Variants in DLG2 observed in about 807,000 individuals in gnomAD.
DLG2 encodes disks large homolog 2.
In DLG2, 45 loss-of-function variants were observed where a neutral mutation model predicts 132.5. That is an observed-to-expected ratio of 0.34 (90% CI 0.27 to 0.44). The LOEUF (loss-of-function observed/expected upper bound fraction) is 0.44, where lower values mean the gene tolerates loss of function less well. Among genes scored for constraint, DLG2 ranks in the 20% least tolerant of loss-of-function variants. The pLI is 1.00. For synonymous variants in DLG2, 424 were observed against 419.6 expected (o/e 1.01, Z -0.13); for missense variants, 1,045 against 1,196.9 (o/e 0.87, Z 1.87).
chr11:85,042,954 G>C (rs2062002260), intron 6 of DLG2, among the ~76,000 whole-genome samples: 1 of 151,614 alleles, frequency 6.6e-6, no homozygotes, highest in African/African-American at 2.4e-5. Flanking sequence ...ATTTTTTCTG[G>C]TTTTCATATT....
intron 22 of DLG2, among the ~76,000 whole-genome samples, chr11:83,473,274 C>G (rs1006027382): frequency 1.3e-4 from 20 of 152,070 alleles, no homozygotes; most frequent in Admixed American, 4.6e-4. Context: ...GGGTTTTACT[C>G]TAATATTAAT....
At chr11:85,184,439 T>C (rs545417084) in intron 4 of DLG2, among the ~76,000 whole-genome samples, 1 of 151,690 alleles carries the variant, frequency 6.6e-6, no homozygotes, top group Non-Finnish European at 1.5e-5. Flanking sequence ...TCCCATTTTG[T>C]AGAGAAACAA....
intron 6 of DLG2, among the ~76,000 whole-genome samples, chr11:84,576,112 T>A (rs930274236): frequency 6.6e-6 from 1 of 152,212 alleles, no homozygotes; most frequent in African/African-American, 2.4e-5. Flanking sequence ...TTTAAACTTA[T>A]TAGCACTTTT....
intron 15 of DLG2, among the ~76,000 whole-genome samples, chr11:83,895,658 G>A (rs942644671): frequency 6.6e-6 from 1 of 152,130 alleles, no homozygotes; most frequent in Non-Finnish European, 1.5e-5. Flanking sequence ...CACAGTCCCT[G>A]CTATTGTTCT....
chr11:85,026,846 A>T (rs1052436791), intron 6 of DLG2, among the ~76,000 whole-genome samples: 3 of 152,080 alleles, frequency 2.0e-5, no homozygotes, highest in African/African-American at 2.4e-5. Flanking sequence ...CAAAAAAATA[A>T]AAATAAATAA....
chr11:84,719,978 C>A (rs2061615306), intron 6 of DLG2, among the ~76,000 whole-genome samples: 1 of 152,100 alleles, frequency 6.6e-6, no homozygotes, highest in African/African-American at 2.4e-5. Context: ...GTCTGGAGCC[C>A]AGTCACTAGC....
At chr11:84,733,983 T>C (rs2063494840) in intron 6 of DLG2, among the ~76,000 whole-genome samples, 1 of 152,160 alleles carries the variant, frequency 6.6e-6, no homozygotes, top group South Asian at 2.1e-4. Flanking sequence ...CTCTGTTCTG[T>C]TCCATTGGCC....
At chr11:84,270,029 C>T (rs531177382) in intron 7 of DLG2, among the ~76,000 whole-genome samples, 12 of 152,162 alleles carry the variant, frequency 7.9e-5, no homozygotes, top group South Asian at 2.1e-4. Flanking sequence ...AACTAACAAA[C>T]GAATAAAAAC....
At chr11:84,508,234 G>A (rs550532573) in intron 7 of DLG2, among the ~76,000 whole-genome samples, 2 of 152,042 alleles carry the variant, frequency 1.3e-5, no homozygotes, top group South Asian at 4.2e-4. Flanking sequence ...TTCTTCATAT[G>A]CCACACTGAT....
rs143768164 is a variant in DLG2, at chr11:84,836,175, G to T, written c.357+275486C>A. On this transcript the variant is annotated intron_variant, in intron 6 of 27. Coordinates refer to ENST00000376104, the MANE Select transcript of DLG2 (RefSeq NM_001142699.3). ...CCAGTAAGAGAATTGGTAATTAATT[G>T]TACAATAGGGTCTGAAAATACAAGC... is the stretch of plus-strand genomic sequence containing the variant. Among the ~76,000 whole-genome samples, 1,511 of 151,752 alleles carry T rather than the reference G, an allele frequency of 1.0e-2. 25 individuals carry two copies. Among genetic ancestry groups the T allele is most frequent in the African/African-American group, 0.035 (1,442 of 41,450 alleles).
chr11:84,205,565 AAC>A lies in DLG2; in HGVS notation c.574-42056_574-42055del, dbSNP rs1427478080. Among the ~76,000 whole-genome samples, 113 of 137,256 alleles carry A rather than the reference AAC, an allele frequency of 8.2e-4. 1 individual carries two copies. The Admixed American group carries it at 8.3e-3, about 10-fold the overall frequency. 90.0% of individuals were successfully genotyped at this position (137,256 alleles called of 152,430 possible). ...ATAACAGAATTAAATTAAAAAAAAA[AAC>A]AAAAATAAAGTAACATATTTCTTAA... On this transcript the variant is annotated intron_variant, in intron 8 of 27. Transcript: ENST00000376104.
At chr11:84,744,770 T>TA (rs2065134010) in intron 6 of DLG2, among the ~76,000 whole-genome samples, 1 of 151,514 alleles carries the variant, frequency 6.6e-6, no homozygotes, top group East Asian at 1.9e-4. Flanking sequence ...GAAAGACAAA[T>TA]AAATAAGTCT....
At chr11:83,811,123 G>A (rs992656379) in intron 17 of DLG2, among the ~76,000 whole-genome samples, 1 of 152,092 alleles carries the variant, frequency 6.6e-6, no homozygotes, top group African/African-American at 2.4e-5. Context: ...ATTAAGTGAT[G>A]ATAGGAATAT....
At chr11:85,242,937 C>T (rs1408967960) in intron 4 of DLG2, among the ~76,000 whole-genome samples, 1 of 151,872 alleles carries the variant, frequency 6.6e-6, no homozygotes, top group Non-Finnish European at 1.5e-5. Context: ...CTACTCAAGC[C>T]CCACACCAAG....
intron 6 of DLG2, among the ~76,000 whole-genome samples, chr11:84,662,331 C>A (rs978979763): frequency 2.0e-5 from 3 of 151,846 alleles, no homozygotes; most frequent in Non-Finnish European, 2.9e-5. Context: ...CACATGCCAC[C>A]ATGCCCAGCT....
At chr11:85,304,884 G>A (rs1364308307) in intron 3 of DLG2, among the ~76,000 whole-genome samples, 1 of 152,106 alleles carries the variant, frequency 6.6e-6, no homozygotes, top group Non-Finnish European at 1.5e-5. Flanking sequence ...AATTATGTAA[G>A]CATTTTATTT....
intron 15 of DLG2, among the ~76,000 whole-genome samples, chr11:83,927,455 A>G (rs1305930008): frequency 6.6e-6 from 1 of 152,206 alleles, no homozygotes; most frequent in Non-Finnish European, 1.5e-5. Context: ...GAAATTAATC[A>G]GGCAAAGTGT....
chr11:83,576,080 T>A (rs954789539), intron 19 of DLG2, among the ~76,000 whole-genome samples: 2 of 152,158 alleles, frequency 1.3e-5, no homozygotes, highest in African/African-American at 4.8e-5. Context: ...CAAATTAAAC[T>A]TGTAGGCATA....
intron 12 of DLG2, among the ~76,000 whole-genome samples, chr11:83,967,974 C>A (rs2090570469): frequency 6.6e-6 from 1 of 152,076 alleles, no homozygotes; most frequent in Non-Finnish European, 1.5e-5. Context: ...AAAAGACTAG[C>A]CTTTCTTCAT....
Sources: allele counts gnomAD v4.1 joint callset (sites outside exome capture counted in the v4.1 genomes callset), GRCh38; gene constraint gnomAD v4.1.1; transcripts MANE v1.5; gene names NCBI Gene and HGNC (gene_info 2026-07-23, HGNC 2026-07-21).